Variants in STAG2 observed in about 807,000 individuals in gnomAD.
The protein encoded by STAG2 is STAG2 cohesin complex component.
STAG2 carries 14 observed loss-of-function variants against 108.1 expected under a neutral mutation model. That is an observed-to-expected ratio of 0.13 (90% CI 0.09 to 0.20). STAG2 has a LOEUF of 0.20. Among genes scored for constraint, STAG2 ranks in the 10% least tolerant of loss-of-function variants. The pLI is 1.00. For missense variants in STAG2, 440 were observed against 940.9 expected (o/e 0.47, Z 6.96); for synonymous variants, 307 against 302.7 (o/e 1.01, Z -0.15).
chrX:124,002,477 T>TA (rs1264412583), intron 1 of STAG2, among the ~76,000 whole-genome samples: 2 of 111,771 alleles, frequency 1.8e-5, no homozygotes, highest in Admixed American at 9.5e-5. Flanking sequence ...TTCCTGTAGA[T>TA]ACGTTAGTGA....
chrX:123,966,684 A>G (rs188758910), intron 1 of STAG2, among the ~76,000 whole-genome samples: 5 of 111,230 alleles, frequency 4.5e-5, no homozygotes, highest in Admixed American at 1.9e-4. Context: ...CCCAAATTTT[A>G]TATTTCTTCA....
In STAG2 at chrX:124,066,393, T is replaced by A. The variant is rs1224143578; in HGVS notation, c.2222T>A (p.Ile741Asn). ...GCACTGCAGTGTACTCACTATGTAA[T>A]CCTTTGGCAACTTGCTAAGATAACT... ...IHALQCTHYV[I>N]LWQLAKITES... is the part of the protein sequence containing the mutation. The change falls in exon 23 of 35, where the codon ATC becomes AAC. Residue 741 changes from isoleucine to asparagine, a missense_variant. Around this residue, in one of 3 missense-constraint regions of STAG2, gnomAD observed 337 missense variants for 649.3 expected, o/e 0.52. Coordinates refer to ENST00000371145, the MANE Select transcript of STAG2 (RefSeq NM_001042750.2). 2 of 1,209,696 alleles carry A rather than the reference T, an allele frequency of 1.7e-6. No homozygotes were observed. Among genetic ancestry groups the A allele is most frequent in the Non-Finnish European group, 2.2e-6 (2 of 894,069 alleles).
intron 1 of STAG2, among the ~76,000 whole-genome samples, chrX:123,987,113 C>G (rs1041640751): frequency 9.0e-6 from 1 of 110,782 alleles, no homozygotes; most frequent in Non-Finnish European, 1.9e-5. Context: ...CTGCCTTAGC[C>G]TCCTGAGTAG....
Position 124,071,116 on chromosome X carries a change from G to A in STAG2, c.2359-33G>A, listed in dbSNP as rs757128750. 3 of 1,034,927 alleles carry A rather than the reference G, an allele frequency of 2.9e-6. No individual in the cohort carries two copies. In the African/African-American group the frequency reaches 6.0e-5, roughly 21 times the overall value. 85.3% of individuals were successfully genotyped at this position (1,034,927 alleles called of 1,213,427 possible). On this transcript the variant is annotated intron_variant, in intron 24 of 34. Coordinates refer to ENST00000371145, the MANE Select transcript of STAG2 (RefSeq NM_001042750.2). ...AGTTAGTGAGAAACCTTGGATTATAGCATGCTTTCCTCTTTTTTTTTTTTT... is the reference window on the plus strand; with the variant it reads ...AGTTAGTGAGAAACCTTGGATTATAACATGCTTTCCTCTTTTTTTTTTTTT...
rs2053869809 is a variant in STAG2 at position 123,961,706 on chromosome X, C to T, written c.-313C>T. 9.5e-6 allele frequency: 1 copy of T among 104,990 alleles called. No individual in the cohort carries two copies. The allele number at this position is 104,990 out of a possible 1,213,427, so 8.7% of individuals were successfully genotyped here. ...CCTTCCCTCCCTCCCCCCTCCCTCC[C>T]TCTCTTCCTCCCTTCCTAGAGAGGG... On this transcript the variant is annotated 5_prime_UTR_variant, in exon 1 of 35. Coordinates refer to ENST00000371145, the MANE Select transcript of STAG2 (RefSeq NM_001042750.2).
At chrX:123,983,602 G>A (rs1056399758) in intron 1 of STAG2, among the ~76,000 whole-genome samples, 4 of 110,895 alleles carry the variant, frequency 3.6e-5, no homozygotes, top group Admixed American at 1.9e-4. Flanking sequence ...GTCATGAGCC[G>A]GACGGATAAA....
chrX:124,025,891 A>G lies in STAG2; in HGVS notation c.96A>G (p.Gly32=), dbSNP rs367889026. ...ACACAGATTTTGAAGATATCGAAGG[A>G]AAAAACCAAAAGCAAGGCAAAGGCA... The part of the protein sequence containing the change: ...SSDTDFEDIE[G]KNQKQGKGKT... The change falls in exon 4 of 35, where the codon GGA becomes GGG. Residue 32 remains glycine, a synonymous_variant. Transcript: ENST00000371145. 1 of 1,190,592 alleles carries G rather than the reference A, an allele frequency of 8.4e-7. No homozygotes were observed. Among genetic ancestry groups the G allele is most frequent in the Non-Finnish European group, 1.1e-6 (1 of 883,520 alleles).
intron 23 of STAG2, among the ~76,000 whole-genome samples, chrX:124,067,338 G>A (rs900358728): frequency 4.6e-5 from 4 of 86,701 alleles, no homozygotes; most frequent in Non-Finnish European, 8.4e-5. Flanking sequence ...GTACAATCTC[G>A]GCTCACTGCA....
At chrX:123,983,969 CTTTTCTTT>C (rs1370352159) in intron 1 of STAG2, among the ~76,000 whole-genome samples, 1 of 64,654 alleles carries the variant, frequency 1.5e-5, no homozygotes, top group African/African-American at 7.4e-5. Context: ...ATTTTCTTTT[CTTTTCTTT>C]TTTTTTTTTT....
At chrX:123,989,325 T>C (rs2055336446) in intron 1 of STAG2, among the ~76,000 whole-genome samples, 1 of 111,842 alleles carries the variant, frequency 8.9e-6, no homozygotes, top group Non-Finnish European at 1.9e-5. Context: ...AAGTAACCAC[T>C]GCTGATAGTT....
At position 123,972,513 on chromosome X, in the gene STAG2, C is replaced by T. The variant is rs749182068; in HGVS notation, c.-163+10657C>T. On this transcript the variant is annotated intron_variant, in intron 1 of 34. Coordinates refer to ENST00000371145, the MANE Select transcript of STAG2 (RefSeq NM_001042750.2). ...GTCTTGATCTCCTGACCTCGTGATC[C>T]GCCCGCCTCGGCCTCCCAAAGTGCC... is the stretch of plus-strand genomic sequence containing the variant. Among the ~76,000 whole-genome samples the T allele has an allele frequency of 1.3e-4, 14 of 108,718 alleles. No homozygotes were observed. In the East Asian group the frequency reaches 1.8e-3, roughly 14 times the overall value. 94.4% of individuals were successfully genotyped at this position (108,718 alleles called of 115,157 possible). A position where few individuals can be genotyped will look rare whatever the true frequency, so the allele number is the denominator to read the frequency against.
chrX:123,981,017 CTT>C (rs1428153784), intron 1 of STAG2, among the ~76,000 whole-genome samples: 2 of 110,991 alleles, frequency 1.8e-5, no homozygotes, highest in Admixed American at 9.7e-5. Context: ...AGATGAGTAT[CTT>C]ATAAAAATCA....
chrX:124,075,379 T>C (rs1242673577), intron 25 of STAG2, among the ~76,000 whole-genome samples: 1 of 111,558 alleles, frequency 9.0e-6, no homozygotes, highest in African/African-American at 3.3e-5. Context: ...GTTCAAGCAA[T>C]TCTCCTGCCT....
At chrX:124,036,372 T>G (rs2057516763) in intron 5 of STAG2, among the ~76,000 whole-genome samples, 1 of 111,896 alleles carries the variant, frequency 8.9e-6, no homozygotes, top group Admixed American at 9.5e-5. Context: ...AAAAGTTTTG[T>G]TGTTGTTGTT....
chrX:124,091,139 T>C (rs762287964), intron 32 of STAG2, among the ~76,000 whole-genome samples, 175 bp downstream of exon 32: 1 of 112,228 alleles, frequency 8.9e-6, no homozygotes, highest in African/African-American at 3.2e-5. Context: ...TTAATTAAAA[T>C]ACTACCTAGT....
chrX:124,073,661 A>G (rs1361021733), intron 25 of STAG2, among the ~76,000 whole-genome samples: 1 of 111,783 alleles, frequency 8.9e-6, no homozygotes, highest in Admixed American at 9.5e-5. Flanking sequence ...GGGCTCAAGC[A>G]GTCCTCTCAT....
chrX:124,058,828 A>G (rs746579361), intron 15 of STAG2, among the ~76,000 whole-genome samples: 18 of 111,975 alleles, frequency 1.6e-4, no homozygotes, highest in Non-Finnish European at 2.1e-4. Flanking sequence ...ATTACATACT[A>G]TTATTTAATT....
chrX:124,078,200 T>G, intron 27 of STAG2, 142 bp downstream of exon 27: 2 of 438,486 alleles, frequency 4.6e-6, no homozygotes, highest in Non-Finnish European at 7.7e-6. Context: ...TGAGATTATT[T>G]TTTTGCTTTC....
At chrX:123,963,241 A>G (rs2053949675) in intron 1 of STAG2, 1 of 111,422 alleles carries the variant, frequency 9.0e-6, no homozygotes, top group Non-Finnish European at 1.9e-5. Flanking sequence ...CTTTTCTGCC[A>G]ACCTTCTCTC....
Sources: gnomAD v4.1 joint callset for allele counts (sites outside exome capture counted in the v4.1 genomes callset) on GRCh38, gnomAD v4.1.1 for gene constraint, gnomAD v4.1.1 regional missense constraint, MANE v1.5 for transcripts, NCBI Gene and HGNC (gene_info 2026-07-23, HGNC 2026-07-21) for gene names.